NCKAP5: variants seen among roughly 807,000 people sequenced by gnomAD.
NCKAP5 encodes nck-associated protein 5.
NCKAP5 carries 92 observed loss-of-function variants against 167.0 expected under a neutral mutation model. The ratio of observed to expected loss-of-function variants is 0.55; its 90% CI spans 0.47 to 0.66. The LOEUF (loss-of-function observed/expected upper bound fraction) is 0.66, where lower values mean the gene tolerates loss of function less well. Among genes scored for constraint, NCKAP5 ranks in the 30% least tolerant of loss-of-function variants. The probability of loss-of-function intolerance (pLI) is 0.00; values close to 1 mark genes in which losing one functional copy is unlikely to be tolerated. For synonymous variants in NCKAP5, 891 were observed against 877.4 expected (o/e 1.02, Z -0.27); for missense variants, 2,378 against 2,315.0 (o/e 1.03, Z -0.56).
chr2:133,183,129 C>T (rs1250473255), intron 5 of NCKAP5, among the ~76,000 whole-genome samples: 1 of 152,012 alleles, frequency 6.6e-6, no homozygotes. Context: ...TAAAAATCCA[C>T]ACACAAAAGA....
At chr2:132,771,354 TA>T (rs1315068081) in intron 16 of NCKAP5, among the ~76,000 whole-genome samples, 1 of 152,220 alleles carries the variant, frequency 6.6e-6, no homozygotes, top group Non-Finnish European at 1.5e-5. Context: ...AGAATAAGGA[TA>T]TAAAAATTAT....
chr2:132,995,467 A>G (rs2077567718), intron 6 of NCKAP5, among the ~76,000 whole-genome samples: 1 of 151,660 alleles, frequency 6.6e-6, no homozygotes, highest in African/African-American at 2.4e-5. Context: ...CCTGACCAAT[A>G]TGGTGAAACC....
At chr2:133,227,875 T>C (rs1293226556) in intron 4 of NCKAP5, among the ~76,000 whole-genome samples, 2 of 152,186 alleles carry the variant, frequency 1.3e-5, no homozygotes, top group Non-Finnish European at 2.9e-5. Context: ...AGGTATTTAT[T>C]GAATGCGGTA....
intron 5 of NCKAP5, among the ~76,000 whole-genome samples, chr2:133,168,988 G>A (rs1400241200): frequency 6.6e-6 from 1 of 152,072 alleles, no homozygotes; most frequent in African/African-American, 2.4e-5. Flanking sequence ...GGGACCCAGG[G>A]GACATGCTAG....
intron 3 of NCKAP5, among the ~76,000 whole-genome samples, chr2:133,514,596 A>G (rs1343513533): frequency 6.6e-6 from 1 of 152,240 alleles, no homozygotes; most frequent in East Asian, 1.9e-4. Context: ...GCAATACATT[A>G]TGAGAATATT....
chr2:133,487,660 G>A (rs1335785132), intron 3 of NCKAP5, among the ~76,000 whole-genome samples: 2 of 152,134 alleles, frequency 1.3e-5, no homozygotes, highest in African/African-American at 2.4e-5. Flanking sequence ...CCTGGAGAAG[G>A]GCATTCAGTG....
chr2:132,921,975 G>A (rs751183347), intron 8 of NCKAP5, among the ~76,000 whole-genome samples: 5 of 152,134 alleles, frequency 3.3e-5, no homozygotes, highest in African/African-American at 4.8e-5. Context: ...ACATGACTGC[G>A]AGCCCAAGAT....
chr2:132,969,401 G>C (rs111797602), intron 7 of NCKAP5, among the ~76,000 whole-genome samples: 1 of 152,128 alleles, frequency 6.6e-6, no homozygotes, highest in South Asian at 2.1e-4. Context: ...TTAGTGTCTA[G>C]CCTGAATTCT....
At chr2:133,475,108 C>T (rs1462507230) in intron 3 of NCKAP5, among the ~76,000 whole-genome samples, 1 of 152,176 alleles carries the variant, frequency 6.6e-6, no homozygotes, top group Non-Finnish European at 1.5e-5. Context: ...CATGCCCAGC[C>T]TAGAATTCCA....
At chr2:132,981,923 G>A (rs2077151472) in intron 7 of NCKAP5, among the ~76,000 whole-genome samples, 1 of 152,206 alleles carries the variant, frequency 6.6e-6, no homozygotes, top group Non-Finnish European at 1.5e-5. Flanking sequence ...TGCAGTGGAA[G>A]AAGACAGCAC....
chr2:132,878,562 A>G (rs1691476289), intron 9 of NCKAP5, among the ~76,000 whole-genome samples: 1 of 151,944 alleles, frequency 6.6e-6, no homozygotes. Flanking sequence ...ACAACAACCA[A>G]AAGGAATATA....
intron 5 of NCKAP5, among the ~76,000 whole-genome samples, chr2:133,209,325 G>A (rs1285439259): frequency 6.7e-6 from 1 of 150,234 alleles, no homozygotes; most frequent in Non-Finnish European, 1.5e-5. Context: ...AACGGTGGTG[G>A]CATTTATTTC....
intron 14 of NCKAP5, 49 bp from the exon 15 acceptor site, chr2:132,781,278 A>C (rs1574183529): frequency 6.5e-7 from 1 of 1,549,864 alleles, no homozygotes; most frequent in Non-Finnish European, 8.8e-7. Flanking sequence ...CTCCTTCTTC[A>C]ATCACTCTCC....
chr2:132,681,970 G>C (rs1208868794), intron 19 of NCKAP5, among the ~76,000 whole-genome samples: 2 of 152,148 alleles, frequency 1.3e-5, no homozygotes, highest in Non-Finnish European at 2.9e-5. Flanking sequence ...CTCCACTGAT[G>C]TGTGATTCAT....
chr2:132,950,064 A>T (rs2076139094), intron 8 of NCKAP5, among the ~76,000 whole-genome samples: 1 of 152,234 alleles, frequency 6.6e-6, no homozygotes. Flanking sequence ...ACTGCACTCC[A>T]GCCTGGGTGA....
At chr2:133,114,884 CA>C (rs1308468965) in intron 6 of NCKAP5, among the ~76,000 whole-genome samples, 1 of 152,134 alleles carries the variant, frequency 6.6e-6, no homozygotes, top group Non-Finnish European at 1.5e-5. Context: ...TCAAGAGACA[CA>C]AGATGTATAA....
At chr2:133,129,896 T>G in intron 6 of NCKAP5, 82 bp downstream of exon 6, 1 of 1,415,198 alleles carries the variant, frequency 7.1e-7, no homozygotes, top group Non-Finnish European at 9.3e-7. Context: ...AGAAGCTTAC[T>G]CAATGGACAT....
In NCKAP5 at chr2:133,509,713, G is replaced by A. The variant is rs539671612; in HGVS notation, c.69+7745C>T. Reference sequence around the variant, plus strand: ...CAGTTTTCATTGTCACAATGAGGGAGGGGTGCTCCTGGCATCCAATGGGTA... The same window carrying A: ...CAGTTTTCATTGTCACAATGAGGGAAGGGTGCTCCTGGCATCCAATGGGTA... On this transcript the variant is annotated intron_variant, in intron 3 of 19. Transcript: ENST00000409261. Among the ~76,000 whole-genome samples the A allele has an allele frequency of 8.7e-4, 132 of 152,332 alleles. 1 individual carries two copies. Among genetic ancestry groups the A allele is most frequent in the African/African-American group, 3.0e-3 (123 of 41,572 alleles).
chr2:133,622,380 A>G, the NCKAP5 span, among the ~76,000 whole-genome samples: 3 of 152,120 alleles, frequency 2.0e-5, no homozygotes, highest in Non-Finnish European at 4.4e-5. Flanking sequence ...GTATACCTAG[A>G]AAACCCTAAA....
Sources: gnomAD v4.1 joint callset for allele counts (sites outside exome capture counted in the v4.1 genomes callset) on GRCh38, gnomAD v4.1.1 for gene constraint, MANE v1.5 for transcripts, NCBI Gene and HGNC (gene_info 2026-07-23, HGNC 2026-07-21) for gene names.